The following NEBL variants were observed in gnomAD, a reference collection of about 807,000 sequenced individuals.
NEBL encodes the protein nebulette, also known as LIM and SH3 protein 2.
Under a neutral mutation model 140.2 loss-of-function variants are expected in NEBL, and 122 were observed. The ratio of observed to expected loss-of-function variants is 0.87; its 90% CI spans 0.75 to 1.01. The LOEUF (loss-of-function observed/expected upper bound fraction) is 1.01. Among genes scored for constraint, NEBL ranks in the 50% least tolerant of loss-of-function variants. The pLI, the probability that NEBL is intolerant of heterozygous loss-of-function variation, is 0.00. For synonymous variants in NEBL, 436 were observed against 398.9 expected (o/e 1.09, Z -1.11); for missense variants, 1,365 against 1,231.3 (o/e 1.11, Z -1.62).
chr10:20,994,726 C>T lies in NEBL; in HGVS notation c.249+25391G>A, dbSNP rs115959829. ...TAGTTAGTATGCTCTATATTATATA[C>T]TGTGTTCTTACAATAAAGTAAGCTA... On this transcript the variant is annotated intron_variant, in intron 3 of 6. Transcript: ENST00000417816. Among the ~76,000 whole-genome samples the T allele has an allele frequency of 7.5e-3, 1,143 of 152,268 alleles. 16 individuals carry two copies. The highest frequency in any genetic ancestry group is 0.027 in the African/African-American group (1,101 of 41,544).
chr10:21,008,945 T>C (rs956462138), intron 3 of NEBL, among the ~76,000 whole-genome samples: 1 of 151,396 alleles, frequency 6.6e-6, no homozygotes. Context: ...TTATTATATA[T>C]GTATATAAAA....
intron 2 of NEBL, among the ~76,000 whole-genome samples, chr10:21,081,572 T>C (rs1380245452): frequency 3.3e-5 from 5 of 152,200 alleles, no homozygotes; most frequent in African/African-American, 1.2e-4. Context: ...CTGTGTCCAC[T>C]GAGAAGGTCC....
intron 16 of NEBL, among the ~76,000 whole-genome samples, chr10:20,829,988 C>T (rs1840252231): frequency 6.6e-6 from 1 of 152,158 alleles, no homozygotes; most frequent in East Asian, 1.9e-4. Flanking sequence ...ACTCAAATGT[C>T]TATTTGTTGT....
chr10:21,140,595 C>T (rs1839583725), intron 2 of NEBL, among the ~76,000 whole-genome samples: 2 of 152,136 alleles, frequency 1.3e-5, no homozygotes, highest in South Asian at 4.1e-4. Context: ...GTTCTTATTT[C>T]CTACTCTACT....
At chr10:20,980,421 G>A (rs899431684) in intron 3 of NEBL, among the ~76,000 whole-genome samples, 2 of 151,898 alleles carry the variant, frequency 1.3e-5, no homozygotes, top group East Asian at 3.9e-4. Context: ...GCTTGAGAAA[G>A]AAGAAGAGAC....
At chr10:21,020,032 C>T in intron 3 of NEBL, 1 of 1,193,058 alleles carries the variant, frequency 8.4e-7, no homozygotes. Flanking sequence ...CCAGCAGGAA[C>T]AGTACGAAGA....
upstream of NEBL, among the ~76,000 whole-genome samples, chr10:21,177,561 GCT>G (rs1841322816): frequency 2.0e-5 from 3 of 149,632 alleles, no homozygotes; most frequent in Admixed American, 2.0e-4. Context: ...ATGGAGTCTC[GCT>G]CTGTCCCCCA....
chr10:20,951,716 T>C (rs184914668), intron 4 of NEBL, among the ~76,000 whole-genome samples: 12 of 152,348 alleles, frequency 7.9e-5, no homozygotes, highest in Non-Finnish European at 7.3e-5. Flanking sequence ...GGCCTAATTA[T>C]TAATGATAGT....
At chr10:21,088,270 A>G (rs1836740078) in intron 2 of NEBL, among the ~76,000 whole-genome samples, 1 of 152,176 alleles carries the variant, frequency 6.6e-6, no homozygotes, top group South Asian at 2.1e-4. Flanking sequence ...GGAGGCTGAG[A>G]CAGGAGCATC....
chr10:20,798,867 T>G (rs778110838), intron 26 of NEBL, among the ~76,000 whole-genome samples: 5 of 152,222 alleles, frequency 3.3e-5, no homozygotes, highest in Non-Finnish European at 1.5e-5. Context: ...CAAGTGCTAT[T>G]CATTAGTATT....
In NEBL at chr10:21,265,788, C is replaced by T. The variant is rs749745696; in HGVS notation, n.183-13960G>A. Among the ~76,000 whole-genome samples the T allele has an allele frequency of 1.4e-4, 22 of 152,204 alleles. 1 individual carries two copies. The highest frequency in any genetic ancestry group is 2.8e-4 in the Non-Finnish European group (19 of 68,032). ...CTCTGTCACAACTACTCAACTCTAC[C>T]ACTGGAATGTGAAGACAGTCATAGA... On this transcript the variant is annotated intron_variant and non_coding_transcript_variant, in intron 1 of 8. Coordinates refer to the NEBL transcript ENST00000675702.
chr10:20,962,560 T>TG (rs1836103866), intron 3 of NEBL, among the ~76,000 whole-genome samples: 1 of 152,236 alleles, frequency 6.6e-6, no homozygotes, highest in African/African-American at 2.4e-5. Context: ...CTCGGAGGAC[T>TG]GGAACAGCTA....
intron 26 of NEBL, among the ~76,000 whole-genome samples, chr10:20,797,888 G>T (rs1836712394): frequency 6.6e-6 from 1 of 151,880 alleles, no homozygotes; most frequent in African/African-American, 2.4e-5. Flanking sequence ...ATTACTTGAG[G>T]CCAGGAGTTC....
chr10:21,090,360 C>T (rs565116513), intron 2 of NEBL, among the ~76,000 whole-genome samples: 1 of 152,268 alleles, frequency 6.6e-6, no homozygotes, highest in South Asian at 2.1e-4. Context: ...GTAGAAATTC[C>T]TTTTCTTGTC....
intron 3 of NEBL, among the ~76,000 whole-genome samples, chr10:21,197,317 G>C (rs1195679254): frequency 6.6e-6 from 1 of 152,184 alleles, no homozygotes; most frequent in Non-Finnish European, 1.5e-5. Context: ...GGACAGCCAG[G>C]GTTGAGAACT....
intron 3 of NEBL, among the ~76,000 whole-genome samples, chr10:21,187,102 T>C (rs974470148): frequency 2.6e-5 from 4 of 151,954 alleles, no homozygotes; most frequent in African/African-American, 9.7e-5. Flanking sequence ...TTTACATAGA[T>C]GCAAGTACGT....
intron 4 of NEBL, among the ~76,000 whole-genome samples, chr10:20,908,581 G>A (rs904009385): frequency 6.6e-6 from 1 of 152,120 alleles, no homozygotes; most frequent in Admixed American, 6.5e-5. Context: ...ATGAGCAGTA[G>A]TGAGCTGGCA....
At chr10:21,166,178 C>T (rs1840753505) in intron 2 of NEBL, among the ~76,000 whole-genome samples, 1 of 140,396 alleles carries the variant, frequency 7.1e-6, no homozygotes, top group African/African-American at 2.7e-5. Flanking sequence ...CGAGATCAAG[C>T]CACTGCACTC....
intron 11 of NEBL, 21 bp downstream of exon 11, chr10:20,850,374 G>C (rs1392847794): frequency 6.7e-7 from 1 of 1,499,780 alleles, no homozygotes; most frequent in African/African-American, 1.4e-5. Flanking sequence ...TAAACAATTA[G>C]TAACAAACTA....
Sources: allele counts gnomAD v4.1 joint callset (sites outside exome capture counted in the v4.1 genomes callset), GRCh38; gene constraint gnomAD v4.1.1; transcripts MANE v1.5; gene names NCBI Gene and HGNC (gene_info 2026-07-23, HGNC 2026-07-21).